MYO7A: variants seen among roughly 807,000 people sequenced by gnomAD.
MYO7A encodes myosin VIIA.
A neutral mutation model predicts 263.8 loss-of-function variants in MYO7A; 210 were observed. The observed-to-expected ratio is 0.80, with a 90% CI of 0.71 to 0.89. MYO7A has a LOEUF of 0.89. Ranked by LOEUF, MYO7A falls within the 40% of genes least tolerant of loss-of-function variation. MYO7A has a pLI of 0.00. For synonymous variants in MYO7A, 1,239 were observed against 1,197.3 expected (o/e 1.03, Z -0.72); for missense variants, 2,820 against 2,968.3 (o/e 0.95, Z 1.16).
In MYO7A at chr11:77,174,776, C is replaced by G; in HGVS notation, c.1956C>G (p.Cys652Trp). The change falls in exon 17 of 49, where the codon TGC becomes TGG. Residue 652 changes from cysteine to tryptophan, a missense_variant. Transcript: ENST00000409709. ...KKPMLFDRHL[C>W]VRQLRYSGMM... The stretch of plus-strand genomic sequence containing the variant: ...GGCAGCTGTTCGACCGGCACCTGTG[C>G]GTGCGCCAGCTGCGGTACTCAGGAA... The G allele has an allele frequency of 6.2e-7, 1 of 1,601,120 alleles. No individual in the cohort carries two copies. Among genetic ancestry groups the G allele is most frequent in the East Asian group, 2.3e-5 (1 of 44,266 alleles).
intron 2 of MYO7A, among the ~76,000 whole-genome samples, chr11:77,132,677 C>T (rs972554467): frequency 1.4e-4 from 21 of 152,150 alleles, no homozygotes; most frequent in African/African-American, 2.2e-4. Flanking sequence ...TTAATAAAGA[C>T]GGGGTTTCAC....
chr11:77,129,634 G>A (rs1172048810), intron 1 of MYO7A, among the ~76,000 whole-genome samples: 1 of 152,178 alleles, frequency 6.6e-6, no homozygotes, highest in Non-Finnish European at 1.5e-5. Context: ...TGGGGGCAGA[G>A]GTGGGACTGA....
Position 77,197,532 on chromosome 11 carries a change from G to A in MYO7A, c.4375G>A (p.Val1459Ile). ...TDAQKVKEDV[V>I]SYARFKWPLL... ...TGCCCAGAAGGTCAAAGAGGATGTG[G>A]TCAGTTATGCCCGCTTCAAGTGGCC... Residue 1459 changes from valine to isoleucine, a missense_variant, in exon 33 of 49, where the codon GTC (valine) becomes ATC (isoleucine). Physicochemically the swap from Val to Ile is conservative, Grantham distance 29. Transcript: ENST00000409709. 6 of 1,608,806 alleles carry A rather than the reference G, an allele frequency of 3.7e-6. No homozygotes were observed. The highest frequency in any genetic ancestry group is 2.2e-5 in the East Asian group (1 of 44,794).
Position 77,190,874 on chromosome 11 carries a change from T to C in MYO7A, c.3924+4T>C. On this transcript the variant is annotated splice_donor_region_variant and intron_variant, in intron 30 of 48. Transcript: ENST00000409709. ...CTACATTGCCCTGTTTGACAAGGTATGGCCGCCCGGAAGCACCTCCTCCCG... is the reference window on the plus strand; with the variant it reads ...CTACATTGCCCTGTTTGACAAGGTACGGCCGCCCGGAAGCACCTCCTCCCG... 1 of 1,555,188 alleles carries C rather than the reference T, an allele frequency of 6.4e-7. No individual in the cohort carries two copies. Among genetic ancestry groups the C allele is most frequent in the Non-Finnish European group, 8.7e-7 (1 of 1,146,176 alleles).
intron 14 of MYO7A, among the ~76,000 whole-genome samples, chr11:77,165,402 G>A (rs528223900): frequency 6.6e-6 from 1 of 152,278 alleles, no homozygotes; most frequent in African/African-American, 2.4e-5. Context: ...TCTGTGTGGT[G>A]CAGGGGAATC....
At chr11:77,137,957 A>G (rs1239145278) in intron 2 of MYO7A, among the ~76,000 whole-genome samples, 3 of 152,154 alleles carry the variant, frequency 2.0e-5, no homozygotes, top group Non-Finnish European at 2.9e-5. Flanking sequence ...TCTAGTCCAT[A>G]ACATCCTCGT....
At chr11:77,137,997 AC>A (rs1359979470) in intron 2 of MYO7A, among the ~76,000 whole-genome samples, 4 of 152,170 alleles carry the variant, frequency 2.6e-5, no homozygotes, top group East Asian at 1.9e-4. Context: ...ATAGAAAAAA[AC>A]ATGACGATTT....
In MYO7A at chr11:77,196,681, CT is replaced by C. The variant is rs1483489793; in HGVS notation, c.4324-799del. On this transcript the variant is annotated intron_variant, in intron 32 of 48. Coordinates refer to ENST00000409709, the MANE Select transcript of MYO7A (RefSeq NM_000260.4). The stretch of plus-strand genomic sequence containing the variant: ...TTGAGCTTGGGTTGGTGACATTGAG[CT>C]CTTTGCCTCTGAATTCTCACCGCTC... 3.3e-5 allele frequency among the ~76,000 whole-genome samples: 5 copies of C among 152,046 alleles called. No homozygotes were observed. In the East Asian group the frequency reaches 9.6e-4, roughly 29 times the overall value.
chr11:77,178,357 C>T (rs1282163121), intron 19 of MYO7A, among the ~76,000 whole-genome samples: 411 of 84,588 alleles, frequency 4.9e-3, no homozygotes, highest in Admixed American at 6.3e-3. Context: ...TCCACCCACC[C>T]ACCCATCCAT....
At chr11:77,205,966 C>T (rs1957421375) in intron 40 of MYO7A, 131 bp from the exon 41 acceptor site, 4 of 747,476 alleles carry the variant, frequency 5.4e-6, no homozygotes, top group Non-Finnish European at 9.1e-6. Flanking sequence ...CTGGGAGACT[C>T]AGTGGCCGGT....
chr11:77,197,114 G>A (rs148809581), intron 32 of MYO7A, among the ~76,000 whole-genome samples: 4 of 152,262 alleles, frequency 2.6e-5, no homozygotes, highest in Non-Finnish European at 5.9e-5. Flanking sequence ...CCCTGCCCAC[G>A]CCTCTGCTGC....
rs781908291 is a variant in MYO7A, at chr11:77,158,474, G to C, written c.1003+44G>C. ...CGCCCTGCCCCACCCCTGCGCCAAGGGCAGTGCAGTGCCTTGCTGCCCACG... is the reference window on the plus strand; with the variant it reads ...CGCCCTGCCCCACCCCTGCGCCAAGCGCAGTGCAGTGCCTTGCTGCCCACG... On this transcript the variant is annotated intron_variant, in intron 9 of 48. Coordinates refer to ENST00000409709, the MANE Select transcript of MYO7A (RefSeq NM_000260.4). 6.9e-6 allele frequency: 11 copies of C among 1,592,950 alleles called. No homozygotes were observed. The South Asian group carries it at 1.2e-4, about 18-fold the overall frequency.
chr11:77,199,422 C>T (rs576915020), intron 34 of MYO7A, 113 bp from the exon 35 acceptor site: 356 of 1,184,606 alleles, frequency 3.0e-4, no homozygotes, highest in Middle Eastern at 2.1e-3. Flanking sequence ...CCCTCTGGGC[C>T]ATGCCTGACT....
intron 31 of MYO7A, among the ~76,000 whole-genome samples, chr11:77,192,862 A>G (rs7942509): frequency 1.9e-4 from 16 of 83,628 alleles, no homozygotes; most frequent in African/African-American, 5.5e-4. Flanking sequence ...GGTGTTGGTA[A>G]TGATGATGGT....
At chr11:77,182,624 T>G in intron 25 of MYO7A, 24 bp downstream of exon 25, 3 of 1,612,016 alleles carry the variant, frequency 1.9e-6, no homozygotes, top group Non-Finnish European at 2.5e-6. Context: ...GCCCTCTGGA[T>G]GATGTCCCTC....
At chr11:77,174,050 C>T (rs1397731728) in intron 16 of MYO7A, among the ~76,000 whole-genome samples, 2 of 152,008 alleles carry the variant, frequency 1.3e-5, no homozygotes, top group Non-Finnish European at 2.9e-5. Flanking sequence ...CCCCCAGTGA[C>T]ATTGTTCTCA....
In MYO7A at chr11:77,209,768, A is replaced by T. The variant is rs576692167; in HGVS notation, c.6051+965A>T. ...CAGTGACCTTCTCCCTGTTCTCCTC[A>T]TCCATTTTGGTCCTTTCAATCCTTT... On this transcript the variant is annotated intron_variant, in intron 44 of 48. Coordinates refer to ENST00000409709, the MANE Select transcript of MYO7A (RefSeq NM_000260.4). Among the ~76,000 whole-genome samples the T allele has an allele frequency of 2.6e-5, 4 of 152,234 alleles. No homozygotes were observed. In the East Asian group the frequency reaches 7.7e-4, roughly 29 times the overall value.
intron 12 of MYO7A, 108 bp downstream of exon 12, chr11:77,161,223 GC>G: frequency 7.2e-7 from 1 of 1,380,780 alleles, no homozygotes; most frequent in Non-Finnish European, 1.0e-6. Context: ...GGCACACTCT[GC>G]CAGGCTGTTC....
Position 77,208,701 on chromosome 11 carries a change from T to C in MYO7A, c.5949T>C (p.Ile1983=). The C allele has an allele frequency of 6.3e-7, 1 of 1,581,704 alleles. No homozygotes were observed. Among genetic ancestry groups the C allele is most frequent in the Non-Finnish European group, 8.6e-7 (1 of 1,163,156 alleles). Residue 1983 remains isoleucine, a synonymous_variant, in exon 44 of 49, where the codon ATT becomes ATC. Coordinates refer to ENST00000409709, the MANE Select transcript of MYO7A (RefSeq NM_000260.4). ...ACCGACTGCCCTGTGCTGCAGGAAT[T>C]GTGCCCTCACTCACCTACCAGGTGT... ...IKKARPIKDG[I]VPSLTYQVFF...
Sources: allele counts gnomAD v4.1 joint callset (sites outside exome capture counted in the v4.1 genomes callset), GRCh38; gene constraint gnomAD v4.1.1; transcripts MANE v1.5; gene names NCBI Gene and HGNC (gene_info 2026-07-23, HGNC 2026-07-21).